GSS: variants seen among roughly 807,000 people sequenced by gnomAD.
GSS encodes glutathione synthetase.
GSS carries 34 observed loss-of-function variants against 60.4 expected under a neutral mutation model. The ratio of observed to expected loss-of-function variants is 0.56; its 90% CI spans 0.43 to 0.75. The LOEUF (loss-of-function observed/expected upper bound fraction) is 0.75. Ranked by LOEUF, GSS falls within the 30% of genes least tolerant of loss-of-function variation. The pLI, the probability that GSS is intolerant of heterozygous loss-of-function variation, is 0.00. For missense variants in GSS, 499 were observed against 595.1 expected, an observed-to-expected ratio of 0.84 and a Z score of 1.68; for synonymous variants, 224 against 239.0, an observed-to-expected ratio of 0.94 and a Z score of 0.58.
intron 1 of GSS, among the ~76,000 whole-genome samples, chr20:34,953,728 G>A (rs186141858): frequency 2.7e-5 from 4 of 150,772 alleles, no homozygotes; most frequent in African/African-American, 4.9e-5. Context: ...CCATTCTCCT[G>A]CCTCAGCCTC....
chr20:34,951,680 C>T, intron 2 of GSS, 44 bp downstream of exon 2: 2 of 1,577,662 alleles, frequency 1.3e-6, no homozygotes, highest in Middle Eastern at 1.7e-4. Flanking sequence ...CGGGGCCAGA[C>T]AGTGGGCCAT....
intron 10 of GSS, 89 bp from the exon 11 acceptor site, chr20:34,931,506 G>A (rs1308739848): frequency 1.9e-6 from 2 of 1,031,186 alleles, no homozygotes; most frequent in African/African-American, 3.1e-5. Flanking sequence ...AGCAGCATCA[G>A]AGGAAGAGCA....
intron 12 of GSS, 130 bp from the exon 13 acceptor site, chr20:34,929,081 T>G: frequency 9.1e-7 from 1 of 1,100,954 alleles, no homozygotes; most frequent in Non-Finnish European, 1.4e-6. Context: ...TTAGAGTCTC[T>G]ATGCCTCTCT....
chr20:34,934,782 C>A (rs557649453), intron 9 of GSS, among the ~76,000 whole-genome samples: 1 of 152,174 alleles, frequency 6.6e-6, no homozygotes, highest in African/African-American at 2.4e-5. Context: ...TAGCTCCCCC[C>A]GCTCATAGAA....
intron 6 of GSS, among the ~76,000 whole-genome samples, chr20:34,938,980 C>A (rs189711528): frequency 6.6e-4 from 100 of 152,276 alleles, no homozygotes; most frequent in African/African-American, 2.3e-3. Context: ...GTAGCTCACG[C>A]CTATAGTCCC....
At chr20:34,948,890 G>A (rs761954410) in intron 2 of GSS, among the ~76,000 whole-genome samples, 1 of 152,174 alleles carries the variant, frequency 6.6e-6, no homozygotes, top group Non-Finnish European at 1.5e-5. Flanking sequence ...TAGGAATTGT[G>A]GCAAAAAGAA....
intron 12 of GSS, 178 bp from the exon 13 acceptor site, chr20:34,929,129 T>TC: frequency 1.3e-6 from 1 of 771,948 alleles, no homozygotes. Flanking sequence ...AAACCATGTG[T>TC]TCTGAGTCCT....
Position 34,938,059 on chromosome 20 carries a change from T to C in GSS, c.609-1036A>G, listed in dbSNP as rs995842714. ...TTTGAGTAGAGATGGGGTTTCACCA[T>C]GTTGGCCAGGCTGGGCTCGAACTCC... is the stretch of plus-strand genomic sequence containing the variant. On this transcript the variant is annotated intron_variant, in intron 6 of 12. Transcript: ENST00000651619. Among the ~76,000 whole-genome samples the C allele has an allele frequency of 3.3e-5, 5 of 152,128 alleles. No individual in the cohort carries two copies. The East Asian group carries it at 5.8e-4, about 18-fold the overall frequency.
intron 1 of GSS, among the ~76,000 whole-genome samples, chr20:34,953,371 C>T (rs904873941): frequency 3.3e-5 from 5 of 152,154 alleles, no homozygotes; most frequent in East Asian, 1.9e-4. Flanking sequence ...TGAAAGAATG[C>T]GCATGTGATC....
Position 34,929,381 on chromosome 20 carries a change from G to C in GSS, c.1301+20C>G, listed in dbSNP as rs2081380384. 2 of 1,604,796 alleles carry C rather than the reference G, an allele frequency of 1.2e-6. No individual in the cohort carries two copies. The highest frequency in any genetic ancestry group is 1.1e-5 in the South Asian group (1 of 90,916). On this transcript the variant is annotated intron_variant, in intron 12 of 12. Coordinates refer to ENST00000651619, the MANE Select transcript of GSS (RefSeq NM_000178.4). ...CTCTTGCAAGCAGGTAGTGGAAAGA[G>C]CTTCTCCTGATTGGCTCACCTGACA...
chr20:34,937,453 A>G lies in GSS; in HGVS notation c.609-430T>C, dbSNP rs1159949041. ...GGAACATTTTGTAAAAGAACAATGCAGGGGGTCCGGGGCTAATGGCTCTAT... is the reference window on the plus strand; with the variant it reads ...GGAACATTTTGTAAAAGAACAATGCGGGGGGTCCGGGGCTAATGGCTCTAT... On this transcript the variant is annotated intron_variant, in intron 6 of 12. Transcript: ENST00000651619. Among the ~76,000 whole-genome samples, 3 of 152,164 alleles carry G rather than the reference A, an allele frequency of 2.0e-5. No homozygotes were observed. In the East Asian group the frequency reaches 5.8e-4, roughly 29 times the overall value.
Position 34,928,951 on chromosome 20 carries a change from C to A in GSS, c.1302G>T (p.Arg434Ser). The change falls in exon 13 of 13, where the codon AGG becomes AGT. Residue 434 changes from arginine (R) to serine (S), a missense_variant and splice_region_variant. Arg to Ser is a moderately radical substitution (Grantham distance 110). Coordinates refer to ENST00000651619, the MANE Select transcript of GSS (RefSeq NM_000178.4). ...TGTTCATCACGAGTGTCTTTTCCTG[C>A]CTATAGAAATGGAGGCAGGGGACAC... ...SELGIFGVYV[R>S]QEKTLVMNKH... 1 of 1,613,140 alleles carries A rather than the reference C, an allele frequency of 6.2e-7. No homozygotes were observed. Among genetic ancestry groups the A allele is most frequent in the Non-Finnish European group, 8.5e-7 (1 of 1,180,028 alleles).
At chr20:34,935,426 G>A (rs2081432976) in intron 9 of GSS, 150 bp downstream of exon 9, 1 of 710,432 alleles carries the variant, frequency 1.4e-6, no homozygotes, top group South Asian at 1.5e-5. Flanking sequence ...AAAGGCTTGA[G>A]GGAGGATAGG....
In GSS at chr20:34,945,882, C is replaced by T. The variant is rs771249324; in HGVS notation, c.275+71G>A. 8 of 1,523,010 alleles carry T rather than the reference C, an allele frequency of 5.3e-6. No homozygotes were observed. In the East Asian group the frequency reaches 1.8e-4, roughly 34 times the overall value. The allele number at this position is 1,523,010 out of a possible 1,614,324, so 94.3% of individuals were successfully genotyped here. A position where few individuals can be genotyped will look rare whatever the true frequency, so the allele number is the denominator to read the frequency against. On this transcript the variant is annotated intron_variant, in intron 3 of 12. Transcript: ENST00000651619. ...CAAGTCAGCTGACACAGTAACACCT[C>T]ACGGCTCTGCAATCTTCCAGTTCCT...
intron 11 of GSS, 36 bp downstream of exon 11, chr20:34,931,300 C>G (rs780208371): frequency 6.6e-7 from 1 of 1,513,404 alleles, no homozygotes; most frequent in Admixed American, 1.7e-5. Context: ...GCTAGTCCCT[C>G]TCATTGAGGA....
intron 6 of GSS, among the ~76,000 whole-genome samples, chr20:34,941,124 AGGTGGGCGGATCACGAGGTCAGGAGTT>A (rs2081478914): frequency 6.6e-6 from 1 of 152,204 alleles, no homozygotes. Context: ...TGGGAGGCCA[AGGTGGGCGGATCACGAGGTCAGGAGTT>A]CGAGACCAGC....
chr20:34,953,903 A>T (rs1206671354), intron 1 of GSS, among the ~76,000 whole-genome samples: 1 of 152,098 alleles, frequency 6.6e-6, no homozygotes, highest in African/African-American at 2.4e-5. Flanking sequence ...CACCCCGCCC[A>T]GCCGACTTCC....
At chr20:34,954,109 G>T (rs1306360852) in intron 1 of GSS, among the ~76,000 whole-genome samples, 1 of 152,212 alleles carries the variant, frequency 6.6e-6, no homozygotes, top group Non-Finnish European at 1.5e-5. Flanking sequence ...TTAGAGTAAT[G>T]AAACCCTCCA....
At chr20:34,932,281 G>A in intron 9 of GSS, 148 bp from the exon 10 acceptor site, 1 of 748,460 alleles carries the variant, frequency 1.3e-6, no homozygotes, top group Non-Finnish European at 2.4e-6. Context: ...TTGTGAGCCA[G>A]GTGTGATATG....
Sources: gnomAD v4.1 joint callset for allele counts (sites outside exome capture counted in the v4.1 genomes callset) on GRCh38, gnomAD v4.1.1 for gene constraint, MANE v1.5 for transcripts, NCBI Gene and HGNC (gene_info 2026-07-23, HGNC 2026-07-21) for gene names.